The following P2RX7 variants were observed in gnomAD, a reference collection of about 807,000 sequenced individuals.
The protein encoded by P2RX7 is purinergic receptor P2X 7.
A neutral mutation model predicts 71.6 loss-of-function variants in P2RX7; 62 were observed. The observed-to-expected ratio is 0.87, with a 90% CI of 0.71 to 1.07. The LOEUF (loss-of-function observed/expected upper bound fraction) is 1.07. Ranked by LOEUF, P2RX7 falls within the 50% of genes least tolerant of loss-of-function variation. The pLI is 0.00. For missense variants in P2RX7, 686 were observed against 748.5 expected (o/e 0.92, Z 0.97); for synonymous variants, 299 against 283.3 (o/e 1.06, Z -0.56).
chr12:121,169,029 A>T (rs1341602151), intron 8 of P2RX7, among the ~76,000 whole-genome samples: 1 of 151,758 alleles, frequency 6.6e-6, no homozygotes, highest in African/African-American at 2.4e-5. Flanking sequence ...GACCGGGTGC[A>T]ATTATAGCTC....
intron 3 of P2RX7, among the ~76,000 whole-genome samples, chr12:121,158,401 T>C (rs1879007424): frequency 6.6e-6 from 1 of 152,206 alleles, no homozygotes; most frequent in Non-Finnish European, 1.5e-5. Context: ...TCTTCCTCTC[T>C]GGGAACCCCT....
intron 8 of P2RX7, among the ~76,000 whole-genome samples, chr12:121,173,113 C>A (rs749846220): frequency 1.3e-5 from 2 of 152,064 alleles, no homozygotes; most frequent in Non-Finnish European, 2.9e-5. Context: ...TTGTGCCTGG[C>A]GCTTAATTTT....
intron 1 of P2RX7, among the ~76,000 whole-genome samples, chr12:121,140,635 C>T (rs1347862303): frequency 1.3e-5 from 2 of 152,076 alleles, no homozygotes; most frequent in Non-Finnish European, 2.9e-5. Flanking sequence ...TGCCTTTTAC[C>T]AACCTGAAGA....
chr12:121,134,263 G>A (rs1222400693), intron 1 of P2RX7, among the ~76,000 whole-genome samples: 2 of 152,114 alleles, frequency 1.3e-5, no homozygotes, highest in African/African-American at 4.8e-5. Flanking sequence ...ACCTTTGGGG[G>A]GAATGTGGAG....
intron 1 of P2RX7, among the ~76,000 whole-genome samples, chr12:121,148,011 C>A (rs1446775538): frequency 6.6e-6 from 1 of 151,922 alleles, no homozygotes; most frequent in African/African-American, 2.4e-5. Context: ...ACAGATCTAT[C>A]TTTACTGTCA....
At chr12:121,136,275 C>A (rs1873634321) in intron 1 of P2RX7, among the ~76,000 whole-genome samples, 1 of 151,500 alleles carries the variant, frequency 6.6e-6, no homozygotes, top group Middle Eastern at 3.4e-3. Context: ...TTTCATGTAG[C>A]AGGTGATGGG....
chr12:121,135,899 G>T (rs1204379036), intron 1 of P2RX7, among the ~76,000 whole-genome samples: 3 of 148,528 alleles, frequency 2.0e-5, no homozygotes, highest in African/African-American at 7.4e-5. Flanking sequence ...AGCTACTCGG[G>T]AGGCTGAGAC....
chr12:121,148,192 A>T (rs534932334), intron 1 of P2RX7, among the ~76,000 whole-genome samples: 6 of 124,644 alleles, frequency 4.8e-5, no homozygotes, highest in East Asian at 2.0e-4. Flanking sequence ...GATCTTTTTT[A>T]TTTATTTATT....
At chr12:121,150,328 G>A (rs1382009863) in intron 1 of P2RX7, among the ~76,000 whole-genome samples, 10 of 152,194 alleles carry the variant, frequency 6.6e-5, no homozygotes, top group East Asian at 1.9e-4. Flanking sequence ...AAGGCTGATC[G>A]ATCATATGTT....
In P2RX7 at chr12:121,154,846, A is replaced by T. The variant is rs200300690; in HGVS notation, c.187A>T (p.Thr63Ser). 1.2e-5 allele frequency: 19 copies of T among 1,614,220 alleles called. No homozygotes were observed. Among genetic ancestry groups the T allele is most frequent in the Non-Finnish European group, 1.6e-5 (19 of 1,180,032 alleles). ...RKEPVISSVHTKVKGIAEVKE... is the reference protein window; with the variant it reads ...RKEPVISSVHSKVKGIAEVKE... ...AGAGCCTGTCATCAGTTCTGTGCACACCAAGGTGAAGGGGATAGCAGAGGT... is the reference window on the plus strand; with the variant it reads ...AGAGCCTGTCATCAGTTCTGTGCACTCCAAGGTGAAGGGGATAGCAGAGGT... The change falls in exon 2 of 13, where the codon ACC becomes TCC. Residue 63 changes from threonine (T) to serine (S), a missense_variant. Thr to Ser is a moderately conservative substitution (Grantham distance 58). Coordinates refer to ENST00000328963, the MANE Select transcript of P2RX7 (RefSeq NM_002562.6). The surrounding 1 kb of genome is among the most constrained non-coding windows in gnomAD (Gnocchi z 4.2).
chr12:121,181,605 C>T (rs1014929727), intron 12 of P2RX7, among the ~76,000 whole-genome samples: 1 of 152,142 alleles, frequency 6.6e-6, no homozygotes, highest in Middle Eastern at 3.2e-3. Context: ...CCTGTAATCT[C>T]AGCACTTTGG....
In P2RX7 at chr12:121,154,912, C is replaced by T. The variant is rs201754454; in HGVS notation, c.253C>T (p.His85Tyr). 550 of 1,613,408 alleles carry T rather than the reference C, an allele frequency of 3.4e-4. 7 individuals carry two copies. The South Asian group carries it at 5.4e-3, about 16-fold the overall frequency. Residue 85 changes from histidine to tyrosine, a missense_variant, in exon 2 of 13, where the codon CAC becomes TAC. His to Tyr is a moderately conservative substitution (Grantham distance 83, BLOSUM62 2). Transcript: ENST00000328963. This position sits in a 1 kb window ranked among gnomAD's most constrained non-coding sequence, Gnocchi z 4.2. ...GGAGAATGGAGTGAAGAAGTTGGTG[C>T]ACAGTGTCTTTGACACCGCAGACTA... ...IVENGVKKLV[H>Y]SVFDTADYTF...
At chr12:121,176,343 T>C (rs961124993) in intron 9 of P2RX7, among the ~76,000 whole-genome samples, 1 of 151,584 alleles carries the variant, frequency 6.6e-6, no homozygotes, top group African/African-American at 2.4e-5. Context: ...TATGCAAAAA[T>C]CAACATATCC....
In P2RX7 at chr12:121,166,100, CA is replaced by C; in HGVS notation, c.659del (p.Lys220ArgfsTer12). The C allele has an allele frequency of 6.2e-7, 1 of 1,613,802 alleles. No homozygotes were observed. On this transcript the variant is annotated frameshift_variant, in exon 7 of 13. Transcript: ENST00000328963. LOFTEE classifies it high-confidence loss of function. ...GTTTAAACATCACTTGTACCTTCCA[CA>C]AGACTCAGAATCCACAGTGTCCCAT... ...PGLNITCTFH[K>X]TQNPQCPIFR...
intron 7 of P2RX7, among the ~76,000 whole-genome samples, chr12:121,166,911 G>A (rs1881162273): frequency 6.6e-6 from 1 of 151,066 alleles, no homozygotes; most frequent in African/African-American, 2.5e-5. Context: ...AAATAGCCGG[G>A]CATGATTGCA....
intron 1 of P2RX7, among the ~76,000 whole-genome samples, chr12:121,150,024 C>T (rs989991781): frequency 6.6e-6 from 1 of 152,152 alleles, no homozygotes; most frequent in Non-Finnish European, 1.5e-5. Flanking sequence ...GGAGTTCTCT[C>T]TTCATTCAGG....
intron 1 of P2RX7, among the ~76,000 whole-genome samples, chr12:121,136,647 C>CTT (rs66894143): frequency 3.2e-4 from 38 of 119,234 alleles, no homozygotes; most frequent in East Asian, 1.7e-3. Flanking sequence ...TTCTTTCTTT[C>CTT]TTTTTTTTTT....
chr12:121,164,785 AAAAAAT>A (rs1208638406), intron 5 of P2RX7, among the ~76,000 whole-genome samples: 5 of 152,136 alleles, frequency 3.3e-5, no homozygotes, highest in Non-Finnish European at 7.4e-5. Flanking sequence ...CCATCTCAGA[AAAAAAT>A]AAAAATAAAA....
chr12:121,167,477 T>C lies in P2RX7; in HGVS notation c.745-11T>C. The C allele has an allele frequency of 6.2e-7, 1 of 1,613,888 alleles. No homozygotes were observed. The highest frequency in any genetic ancestry group is 2.2e-5 in the East Asian group (1 of 44,836). On this transcript the variant is annotated splice_polypyrimidine_tract_variant and intron_variant, in intron 7 of 12. Transcript: ENST00000328963. Reference sequence around the variant, plus strand: ...AGCAGCCATAGAGACTGTCCCTTGTTGATCCTTCAGGGCGGAATAATGGGC... The same window carrying C: ...AGCAGCCATAGAGACTGTCCCTTGTCGATCCTTCAGGGCGGAATAATGGGC...
Sources: allele counts gnomAD v4.1 joint callset (sites outside exome capture counted in the v4.1 genomes callset), GRCh38; gene constraint gnomAD v4.1.1; non-coding constraint Gnocchi (gnomAD v3.1); transcripts MANE v1.5; gene names NCBI Gene and HGNC (gene_info 2026-07-23, HGNC 2026-07-21).